The following MEI4 variants were observed in gnomAD, a reference collection of about 807,000 sequenced individuals.
The protein encoded by MEI4 is meiotic double-stranded break formation protein 4.
Under a neutral mutation model 31.4 loss-of-function variants are expected in MEI4, and 27 were observed. The ratio of observed to expected loss-of-function variants is 0.86; its 90% CI spans 0.63 to 1.19. MEI4 has a LOEUF of 1.19. Ranked by LOEUF, MEI4 falls within the 50% of genes most tolerant of loss-of-function variation. The pLI is 0.00. For missense variants in MEI4, 329 were observed against 398.9 expected, an observed-to-expected ratio of 0.82 and a Z score of 1.49; for synonymous variants, 122 against 145.4, an observed-to-expected ratio of 0.84 and a Z score of 1.16.
At chr6:77,699,775 G>T (rs1308703130) in intron 2 of MEI4, among the ~76,000 whole-genome samples, 2 of 152,130 alleles carry the variant, frequency 1.3e-5, no homozygotes, top group Non-Finnish European at 2.9e-5. Context: ...TGTCGTTTCT[G>T]TCTGTTAGTT....
chr6:77,910,667 C>T (rs1766413186), intron 4 of MEI4, among the ~76,000 whole-genome samples: 1 of 152,224 alleles, frequency 6.6e-6, no homozygotes, highest in East Asian at 1.9e-4. Context: ...CCCCATCAAG[C>T]TACCAATGAG....
intron 2 of MEI4, among the ~76,000 whole-genome samples, chr6:77,716,527 T>C (rs1053125191): frequency 2.6e-5 from 4 of 152,052 alleles, no homozygotes; most frequent in Non-Finnish European, 4.4e-5. Flanking sequence ...ATGAGACACA[T>C]TGGCAAGGGG....
intron 3 of MEI4, among the ~76,000 whole-genome samples, chr6:77,802,390 A>G (rs1471001625): frequency 6.6e-6 from 1 of 152,130 alleles, no homozygotes; most frequent in African/African-American, 2.4e-5. Flanking sequence ...GGTTTCCTGA[A>G]TACATCACAC....
At position 77,796,149 on chromosome 6, in the gene MEI4, AAAAC is replaced by A. The variant is rs1769068945; in HGVS notation, c.769-32781_769-32778del. ...TTAAAAATCATGATTGATCACACACAAAACCATCTGAGAAAATTCAATATCCTGT... is the reference window on the plus strand; with the variant it reads ...TTAAAAATCATGATTGATCACACACACATCTGAGAAAATTCAATATCCTGT... On this transcript the variant is annotated intron_variant, in intron 3 of 4. Coordinates refer to ENST00000684080, the MANE Select transcript of MEI4 (RefSeq NM_001322247.2). Among the ~76,000 whole-genome samples, 4 of 152,354 alleles carry A rather than the reference AAAAC, an allele frequency of 2.6e-5. No homozygotes were observed. The South Asian group carries it at 8.3e-4, about 32-fold the overall frequency.
chr6:77,741,891 C>G (rs62419094), intron 2 of MEI4, among the ~76,000 whole-genome samples: 20,784 of 150,570 alleles, frequency 0.14, 1,512 homozygotes, highest in Middle Eastern at 0.21. Flanking sequence ...GTCCTTGTGA[C>G]AGTTTACTGA....
At chr6:77,715,232 A>G (rs1766553320) in intron 2 of MEI4, among the ~76,000 whole-genome samples, 1 of 152,192 alleles carries the variant, frequency 6.6e-6, no homozygotes, top group Non-Finnish European at 1.5e-5. Flanking sequence ...AGTGTATTTA[A>G]TTTCCTAGAC....
rs114918511 is a variant in MEI4, at chr6:77,870,033, C to T, written c.900+40971C>T. On this transcript the variant is annotated intron_variant, in intron 4 of 4. Transcript: ENST00000684080. ...GTCACTGTCTTATAGGGAGGCTTCT[C>T]GGGGCTATCTTATCACCCACTAAAG... 5.2e-3 allele frequency among the ~76,000 whole-genome samples: 788 copies of T among 152,134 alleles called. 2 individuals are homozygous for T. The highest frequency in any genetic ancestry group is 0.02 in the Middle Eastern group (6 of 294).
At chr6:77,679,754 C>T (rs566370688) in intron 1 of MEI4, among the ~76,000 whole-genome samples, 6 of 151,858 alleles carry the variant, frequency 4.0e-5, no homozygotes, top group Admixed American at 3.9e-4. Context: ...CCTCTGCCCG[C>T]GTCCCCAAGA....
At chr6:77,716,617 A>G (rs1255021818) in intron 2 of MEI4, among the ~76,000 whole-genome samples, 3 of 152,194 alleles carry the variant, frequency 2.0e-5, no homozygotes, top group Admixed American at 6.5e-5. Context: ...GGGCAAGGGT[A>G]GTATCAGTCG....
chr6:77,680,713 G>C (rs1768941363), intron 1 of MEI4, among the ~76,000 whole-genome samples: 1 of 152,096 alleles, frequency 6.6e-6, no homozygotes, highest in South Asian at 2.1e-4. Flanking sequence ...TTTGTTTTTA[G>C]GCATGCAAAT....
intron 2 of MEI4, among the ~76,000 whole-genome samples, chr6:77,743,303 G>A (rs1377367654): frequency 6.6e-6 from 1 of 151,892 alleles, no homozygotes; most frequent in Non-Finnish European, 1.5e-5. Flanking sequence ...TCCTTGAGCA[G>A]TGGTTTGTAG....
Position 77,700,643 on chromosome 6 carries a change from T to C in MEI4, c.232+9740T>C, listed in dbSNP as rs146416805. 1.5e-3 allele frequency among the ~76,000 whole-genome samples: 231 copies of C among 152,324 alleles called. 2 individuals carry two copies. Among genetic ancestry groups the C allele is most frequent in the African/African-American group, 5.2e-3 (217 of 41,582 alleles). On this transcript the variant is annotated intron_variant, in intron 2 of 4. Transcript: ENST00000684080. ...GCACTCCCTAGTGGGATGAACCTGG[T>C]ACCTCAGATGGAAATGCAAAAATCA...
intron 3 of MEI4, among the ~76,000 whole-genome samples, chr6:77,825,883 G>A (rs1313426030): frequency 6.6e-6 from 1 of 152,136 alleles, no homozygotes; most frequent in Non-Finnish European, 1.5e-5. Flanking sequence ...AAGTGCTGTG[G>A]TATGCTGTTA....
In MEI4 at chr6:77,827,359, T is replaced by TC. The variant is rs1257249483; in HGVS notation, c.769-1572_769-1571insC. Among the ~76,000 whole-genome samples the TC allele has an allele frequency of 9.2e-3, 595 of 64,722 alleles. 10 individuals are homozygous for TC. The highest frequency in any genetic ancestry group is 0.037 in the African/African-American group (570 of 15,246). The allele number at this position is 64,722 out of a possible 152,430, so 42.5% of individuals were successfully genotyped here. A position where few individuals can be genotyped will look rare whatever the true frequency, so the allele number is the denominator to read the frequency against. ...CTGGGTGACAGAGGGAGACTCCATCTTAAAAAAAAAAAAAAAAAAAAAAAA... is the reference window on the plus strand; with the variant it reads ...CTGGGTGACAGAGGGAGACTCCATCTCTAAAAAAAAAAAAAAAAAAAAAAAA... On this transcript the variant is annotated intron_variant, in intron 3 of 4. Coordinates refer to ENST00000684080, the MANE Select transcript of MEI4 (RefSeq NM_001322247.2).
chr6:77,841,974 G>T (rs1770376820), intron 4 of MEI4, among the ~76,000 whole-genome samples: 1 of 152,060 alleles, frequency 6.6e-6, no homozygotes, highest in African/African-American at 2.4e-5. Context: ...GGGAGGACTG[G>T]ATAAATATGT....
intron 4 of MEI4, among the ~76,000 whole-genome samples, chr6:77,901,441 A>G (rs948907804): frequency 6.6e-6 from 1 of 151,972 alleles, no homozygotes; most frequent in African/African-American, 2.4e-5. Flanking sequence ...TGTGGTTTTA[A>G]TTTACATTTC....
chr6:77,759,138 G>A lies in MEI4; in HGVS notation c.233-1992G>A, dbSNP rs189029158. On this transcript the variant is annotated intron_variant, in intron 2 of 4. Coordinates refer to ENST00000684080, the MANE Select transcript of MEI4 (RefSeq NM_001322247.2). ...CATTTTTTCAACCTATTGTTTTGGT[G>A]GATTTTTTTGCTTCATGTATGTAAC... Among the ~76,000 whole-genome samples, 3 of 152,196 alleles carry A rather than the reference G, an allele frequency of 2.0e-5. No individual in the cohort carries two copies. In the East Asian group the frequency reaches 5.8e-4, roughly 29 times the overall value.
At chr6:77,873,184 T>G (rs538061825) in intron 4 of MEI4, among the ~76,000 whole-genome samples, 1 of 152,214 alleles carries the variant, frequency 6.6e-6, no homozygotes, top group Non-Finnish European at 1.5e-5. Context: ...CCACACTGAC[T>G]TCCACAATGG....
rs1310033669 is a variant in MEI4, at chr6:77,924,038, G to A, written c.*692G>A. ...AATATGTTATAATAGTCTTGTAATT[G>A]TTAAATAGTATACAATTAAGTCACT... On this transcript the variant is annotated 3_prime_UTR_variant, in exon 5 of 5. Coordinates refer to ENST00000684080, the MANE Select transcript of MEI4 (RefSeq NM_001322247.2). 6.6e-6 allele frequency: 1 copy of A among 151,430 alleles called. No homozygotes were observed. Among genetic ancestry groups the A allele is most frequent in the Non-Finnish European group, 1.5e-5 (1 of 67,750 alleles). 9.4% of individuals were successfully genotyped at this position (151,430 alleles called of 1,614,324 possible). A position where few individuals can be genotyped will look rare whatever the true frequency, so the allele number is the denominator to read the frequency against.
Sources: gnomAD v4.1 joint callset for allele counts (sites outside exome capture counted in the v4.1 genomes callset) on GRCh38, gnomAD v4.1.1 for gene constraint, MANE v1.5 for transcripts, NCBI Gene and HGNC (gene_info 2026-07-23, HGNC 2026-07-21) for gene names.